GREB1: variants seen among roughly 807,000 people sequenced by gnomAD.
The protein encoded by GREB1 is growth regulating estrogen receptor binding 1, also known as protein GREB1.
A neutral mutation model predicts 200.7 loss-of-function variants in GREB1; 106 were observed. The observed-to-expected ratio is 0.53, with a 90% CI of 0.45 to 0.62. The LOEUF (loss-of-function observed/expected upper bound fraction) is 0.62. Among genes scored for constraint, GREB1 ranks in the 20% least tolerant of loss-of-function variants. The pLI, the probability that GREB1 is intolerant of heterozygous loss-of-function variation, is 0.00. For missense variants in GREB1, 2,243 were observed against 2,556.8 expected (o/e 0.88, Z 2.65); for synonymous variants, 1,132 against 1,092.4 (o/e 1.04, Z -0.72).
At chr2:11,637,671 C>G (rs370301042) in intron 30 of GREB1, 45 bp from the exon 31 acceptor site, 2 of 1,582,472 alleles carry the variant, frequency 1.3e-6, no homozygotes, top group Non-Finnish European at 8.6e-7. Context: ...GGAAGGTCCT[C>G]GCCCCTCAGG....
intron 12 of GREB1, among the ~76,000 whole-genome samples, 189 bp from the exon 13 acceptor site, chr2:11,595,922 G>C (rs983940155): frequency 3.9e-5 from 6 of 152,042 alleles, no homozygotes; most frequent in African/African-American, 1.2e-4. Flanking sequence ...TGTCTGTGTG[G>C]GGGGAGCTCA....
At chr2:11,538,036 G>A in intron 1 of GREB1, among the ~76,000 whole-genome samples, 1 of 152,158 alleles carries the variant, frequency 6.6e-6, no homozygotes, top group East Asian at 1.9e-4. Flanking sequence ...ACGGTGCCCT[G>A]AGTGGCAGAA....
intron 1 of GREB1, among the ~76,000 whole-genome samples, chr2:11,535,354 C>G (rs1674242298): frequency 6.6e-6 from 1 of 152,020 alleles, no homozygotes; most frequent in South Asian, 2.1e-4. Flanking sequence ...TCCATCTTTT[C>G]ATCACTGTGG....
chr2:11,488,853 C>A, intron 1 of GREB1, among the ~76,000 whole-genome samples: 1 of 133,372 alleles, frequency 7.5e-6, no homozygotes, highest in African/African-American at 2.8e-5. Context: ...TGAACTGGGG[C>A]ATATGTAGGC....
chr2:11,581,036 A>G (rs887128916), intron 7 of GREB1: 7 of 708,750 alleles, frequency 9.9e-6, no homozygotes, highest in Admixed American at 6.3e-5. Flanking sequence ...GACACTTGGG[A>G]GTTACCGTAT....
At chr2:11,566,783 C>A in intron 4 of GREB1, 127 bp downstream of exon 4, 1 of 768,748 alleles carries the variant, frequency 1.3e-6, no homozygotes, top group Non-Finnish European at 2.0e-6. Flanking sequence ...AGCATGCAGC[C>A]CTGTTTCTGT....
rs771041397 is a variant in GREB1, at chr2:11,600,825, C to A, written c.2359C>A (p.Gln787Lys). The change falls in exon 16 of 33, where the codon CAA (glutamine) becomes AAA (lysine). Residue 787 changes from glutamine (Q) to lysine (K), a missense_variant. Gln to Lys is a moderately conservative substitution (Grantham distance 53). Transcript: ENST00000381486. ...VSSTVHNLYS[Q>K]SDPSVGLVDR... ...TAGCACTGTTCATAACCTCTATTCT[C>A]AAAGTGACCCGTCGGTGGGATTGGT... 1.2e-6 allele frequency: 2 copies of A among 1,614,070 alleles called. No individual in the cohort carries two copies. Among genetic ancestry groups the A allele is most frequent in the Non-Finnish European group, 1.7e-6 (2 of 1,179,906 alleles).
chr2:11,591,398 C>T (rs1365330282), intron 10 of GREB1: 7 of 733,774 alleles, frequency 9.5e-6, no homozygotes, highest in South Asian at 1.5e-5. Context: ...TCTTCCAGCA[C>T]ATCAAATACG....
intron 17 of GREB1, among the ~76,000 whole-genome samples, 183 bp from the exon 18 acceptor site, chr2:11,610,505 G>A (rs1293596124): frequency 1.3e-5 from 2 of 152,222 alleles, no homozygotes; most frequent in African/African-American, 4.8e-5. Context: ...ACAAAGGACT[G>A]TATAATTTGA....
intron 7 of GREB1, chr2:11,584,646 T>C (rs1679884094): frequency 1.3e-5 from 2 of 152,416 alleles, no homozygotes; most frequent in Admixed American, 6.5e-5. Flanking sequence ...TCTACATACA[T>C]TCTCTTTAGT....
At chr2:11,638,615 T>C (rs2148459638) in intron 31 of GREB1, 56 bp from the exon 32 acceptor site, 4 of 1,563,184 alleles carry the variant, frequency 2.6e-6, no homozygotes, top group South Asian at 1.2e-5. Flanking sequence ...TGTAGTATAA[T>C]GTTACTGAGC....
chr2:11,483,329 C>T (rs74408494), intron 1 of GREB1, among the ~76,000 whole-genome samples: 7 of 124,988 alleles, frequency 5.6e-5, no homozygotes, highest in South Asian at 2.4e-4. Flanking sequence ...TGTGCGCGCG[C>T]GTGTGTGTGT....
Position 11,585,744 on chromosome 2 carries a change from A to G in GREB1, c.1016-18A>G. ...TGCCTTGTCTGATGTTTTCACTAAT[A>G]TTCTTGGGTGTTCCTAGAGAGCGCA... On this transcript the variant is annotated intron_variant, in intron 8 of 32. Transcript: ENST00000381486. The G allele has an allele frequency of 6.2e-7, 1 of 1,612,216 alleles. No individual in the cohort carries two copies.
rs2148434215 is a variant in GREB1 at position 11,633,699 on chromosome 2, T to C, written c.4992-432T>C. ...ACTTTTCCCAAGCTAAGCACATTCA[T>C]TTAACCTACTCCGATATTAAGAAAG... is the stretch of plus-strand genomic sequence containing the variant. On this transcript the variant is annotated intron_variant, in intron 28 of 32. Transcript: ENST00000381486. This position sits in a 1 kb window ranked among gnomAD's most constrained non-coding sequence, Gnocchi z 4.1. Among the ~76,000 whole-genome samples the C allele has an allele frequency of 6.6e-6, 1 of 152,288 alleles. No individual in the cohort carries two copies. Among genetic ancestry groups the C allele is most frequent in the African/African-American group, 2.4e-5 (1 of 41,572 alleles).
rs1041913333 is a variant in GREB1, at chr2:11,642,768, A to G, written c.*2314A>G. Reference sequence around the variant, plus strand: ...ATTCTTGTCTGTTCCAGTCTTATAAATAAAACTTATAATGCATGTATTGTT... The same window carrying G: ...ATTCTTGTCTGTTCCAGTCTTATAAGTAAAACTTATAATGCATGTATTGTT... On this transcript the variant is annotated 3_prime_UTR_variant, in exon 33 of 33. Coordinates refer to ENST00000381486, the MANE Select transcript of GREB1 (RefSeq NM_014668.4). 3.3e-5 allele frequency: 5 copies of G among 152,240 alleles called. No individual in the cohort carries two copies. The highest frequency in any genetic ancestry group is 7.3e-5 in the Non-Finnish European group (5 of 68,048). 9.4% of individuals were successfully genotyped at this position (152,240 alleles called of 1,614,324 possible).
rs1054282224 is a variant in GREB1, at chr2:11,492,378, A to G, written c.-159+9997A>G. On this transcript the variant is annotated intron_variant, in intron 1 of 2. Transcript: ENST00000628795. The surrounding 1 kb of genome is among the most constrained non-coding windows in gnomAD (Gnocchi z 4.0). ...TGGTTGGTTTGTTTCTTGGTCAGCC[A>G]TTGAAGACTGAGTCAGCTGTACTCC... 3.3e-5 allele frequency among the ~76,000 whole-genome samples: 5 copies of G among 152,248 alleles called. No homozygotes were observed. Among genetic ancestry groups the G allele is most frequent in the Non-Finnish European group, 7.3e-5 (5 of 68,042 alleles).
At chr2:11,577,593 T>A (rs1403574774) in intron 5 of GREB1, among the ~76,000 whole-genome samples, 1 of 152,148 alleles carries the variant, frequency 6.6e-6, no homozygotes, top group African/African-American at 2.4e-5. Flanking sequence ...CGGCCTGCCA[T>A]GGGTGGAGGG....
At chr2:11,623,183 G>A (rs762434800) in intron 23 of GREB1, among the ~76,000 whole-genome samples, 1 of 152,196 alleles carries the variant, frequency 6.6e-6, no homozygotes, top group Non-Finnish European at 1.5e-5. Context: ...CGTAGTCATC[G>A]GAATTTGTGG....
In GREB1 at chr2:11,638,622, G is replaced by T. The variant is rs776693981; in HGVS notation, c.5548-49G>T. On this transcript the variant is annotated intron_variant, in intron 31 of 32. Coordinates refer to ENST00000381486, the MANE Select transcript of GREB1 (RefSeq NM_014668.4). ...TGCAAACCTGTAGTATAATGTTACT[G>T]AGCATTTCATAGAAAACGGTGCCCT... 1.9e-6 allele frequency: 3 copies of T among 1,586,258 alleles called. No homozygotes were observed. In the Admixed American group the frequency reaches 5.2e-5, roughly 27 times the overall value.
Sources: gnomAD v4.1 joint callset for allele counts (sites outside exome capture counted in the v4.1 genomes callset) on GRCh38, gnomAD v4.1.1 for gene constraint, Gnocchi (gnomAD v3.1) non-coding constraint, MANE v1.5 for transcripts, NCBI Gene and HGNC (gene_info 2026-07-23, HGNC 2026-07-21) for gene names.